Variants in LRBA observed in about 807,000 individuals in gnomAD.
LRBA encodes the protein lipopolysaccharide-responsive and beige-like anchor protein.
Under a neutral mutation model 330.0 loss-of-function variants are expected in LRBA, and 176 were observed. The ratio of observed to expected loss-of-function variants is 0.53; its 90% confidence interval spans 0.47 to 0.60. The LOEUF (loss-of-function observed/expected upper bound fraction) is 0.60. LRBA is among the 20% of genes least tolerant of loss of function. The pLI, the probability that LRBA is intolerant of heterozygous loss-of-function variation, is 0.00. For synonymous variants in LRBA, 1,230 were observed against 1,193.0 expected, an observed-to-expected ratio of 1.03 and a Z score of -0.64; for missense variants, 3,259 against 3,444.8, an observed-to-expected ratio of 0.95 and a Z score of 1.35.
chr4:150,636,993 C>T (rs768385508), intron 37 of LRBA, among the ~76,000 whole-genome samples: 20 of 152,040 alleles, frequency 1.3e-4, no homozygotes, highest in Admixed American at 7.9e-4. Flanking sequence ...AGGGACTAGA[C>T]TAAAACATTA....
At chr4:150,270,652 A>G (rs924069761) in intron 56 of LRBA, among the ~76,000 whole-genome samples, 2 of 152,202 alleles carry the variant, frequency 1.3e-5, no homozygotes, top group African/African-American at 2.4e-5. Context: ...TATCGAAAAG[A>G]GTTTAGATGG....
rs749474534 is a variant in LRBA, at chr4:150,928,542, T to C, written c.523A>G (p.Lys175Glu). 24 of 1,613,792 alleles carry C rather than the reference T, an allele frequency of 1.5e-5. No homozygotes were observed. The highest frequency in any genetic ancestry group is 2.0e-5 in the Non-Finnish European group (24 of 1,179,800). ...TVRELKLFFS[K>E]LQGDKGRWPP... is the part of the protein sequence containing the mutation. The stretch of plus-strand genomic sequence containing the variant: ...CATCGTCCTTTATCTCCTTGAAGTT[T>C]ACTGAAGAAAAGCTTTAGCTCGCGA... Residue 175 changes from lysine to glutamate, a missense_variant, in exon 4 of 57, where the codon AAA becomes GAA. Physicochemically the swap from Lys to Glu is moderately conservative, Grantham distance 56 (BLOSUM62 1). Coordinates refer to ENST00000651943, the MANE Select transcript of LRBA (RefSeq NM_001364905.1).
intron 2 of LRBA, among the ~76,000 whole-genome samples, chr4:150,952,612 T>A (rs1736961384): frequency 2.6e-5 from 4 of 152,158 alleles, no homozygotes; most frequent in Admixed American, 2.6e-4. Flanking sequence ...ATCCTGACCG[T>A]CTATAAGGCC....
chr4:150,898,645 C>CAAA (rs779677822), intron 14 of LRBA, among the ~76,000 whole-genome samples: 95 of 37,660 alleles, frequency 2.5e-3, no homozygotes, highest in Non-Finnish European at 9.4e-3. Context: ...GATTCCTAGA[C>CAAA]AAAAAAAAAT....
intron 44 of LRBA, among the ~76,000 whole-genome samples, chr4:150,461,131 A>G (rs1754723525): frequency 6.6e-6 from 1 of 151,792 alleles, no homozygotes; most frequent in East Asian, 1.9e-4. Context: ...GGGCAATTTG[A>G]AAAGAAAAAA....
chr4:150,341,749 CAT>C (rs1491533309), intron 48 of LRBA, among the ~76,000 whole-genome samples: 1 of 151,008 alleles, frequency 6.6e-6, no homozygotes, highest in Non-Finnish European at 1.5e-5. Flanking sequence ...CAGACATATG[CAT>C]ATATGTGTAT....
At chr4:150,756,754 T>C (rs535754652) in intron 35 of LRBA, among the ~76,000 whole-genome samples, 17 of 152,132 alleles carry the variant, frequency 1.1e-4, no homozygotes, top group African/African-American at 3.6e-4. Flanking sequence ...TCAAAGGGAG[T>C]AGTAATAACT....
chr4:150,718,285 T>TG (rs1462657785), intron 36 of LRBA, among the ~76,000 whole-genome samples: 1 of 152,168 alleles, frequency 6.6e-6, no homozygotes, highest in African/African-American at 2.4e-5. Context: ...ATCAATCCTC[T>TG]GATAATAAAT....
intron 20 of LRBA, among the ~76,000 whole-genome samples, chr4:150,868,821 C>T (rs1753064637): frequency 6.6e-6 from 1 of 151,936 alleles, no homozygotes; most frequent in Non-Finnish European, 1.5e-5. Context: ...GCCTGTAATC[C>T]CAGCTACTCA....
chr4:150,547,666 G>T (rs999131434), intron 40 of LRBA, among the ~76,000 whole-genome samples: 4 of 152,010 alleles, frequency 2.6e-5, no homozygotes, highest in African/African-American at 7.2e-5. Flanking sequence ...TGGGAGCAGG[G>T]TGGTGTATAA....
chr4:150,980,720 A>T (rs1018697879), intron 2 of LRBA, among the ~76,000 whole-genome samples: 3 of 152,204 alleles, frequency 2.0e-5, no homozygotes, highest in Admixed American at 6.5e-5. Flanking sequence ...ATATGATATG[A>T]TCTTATATTT....
chr4:150,433,439 C>G (rs1297453276), intron 46 of LRBA, among the ~76,000 whole-genome samples: 1 of 152,028 alleles, frequency 6.6e-6, no homozygotes, highest in African/African-American at 2.4e-5. Context: ...ACAGGAATGT[C>G]TAGTACAGAT....
At chr4:150,824,973 C>G (rs974210130) in intron 30 of LRBA, among the ~76,000 whole-genome samples, 2 of 151,748 alleles carry the variant, frequency 1.3e-5, no homozygotes, top group African/African-American at 4.8e-5. Context: ...CCGTGTTGCC[C>G]AGGCTAGTCT....
intron 37 of LRBA, among the ~76,000 whole-genome samples, chr4:150,601,902 A>C (rs2126526060): frequency 6.6e-6 from 1 of 152,046 alleles, no homozygotes; most frequent in South Asian, 2.1e-4. Context: ...CATATTAGCC[A>C]GGATGGTCTT....
chr4:150,573,638 C>T (rs1034611605), intron 40 of LRBA, among the ~76,000 whole-genome samples: 1 of 152,138 alleles, frequency 6.6e-6, no homozygotes, highest in Admixed American at 6.6e-5. Flanking sequence ...CTTAGACAAA[C>T]AATAAGTTAT....
chr4:150,307,548 C>G (rs1730516098), intron 52 of LRBA, among the ~76,000 whole-genome samples: 1 of 151,050 alleles, frequency 6.6e-6, no homozygotes, highest in African/African-American at 2.4e-5. Context: ...AGTGAGAACC[C>G]TGTCTCTATA....
intron 37 of LRBA, among the ~76,000 whole-genome samples, chr4:150,669,738 G>A (rs1781884011): frequency 6.6e-6 from 1 of 151,960 alleles, no homozygotes; most frequent in Non-Finnish European, 1.5e-5. Context: ...GATAATTGTT[G>A]TATTTTTAGT....
At chr4:150,454,425 G>T (rs1415721610) in intron 44 of LRBA, among the ~76,000 whole-genome samples, 1 of 151,974 alleles carries the variant, frequency 6.6e-6, no homozygotes, top group East Asian at 1.9e-4. Flanking sequence ...ATTGTATGAT[G>T]ATTTGAACAG....
chr4:150,451,887 C>A (rs1269437453), intron 44 of LRBA, among the ~76,000 whole-genome samples: 6 of 152,062 alleles, frequency 3.9e-5, no homozygotes, highest in African/African-American at 1.4e-4. Flanking sequence ...AAAAAGATAA[C>A]CCGAATAGCA....
Sources: allele counts gnomAD v4.1 joint callset (sites outside exome capture counted in the v4.1 genomes callset), GRCh38; gene constraint gnomAD v4.1.1; transcripts MANE v1.5; gene names NCBI Gene and HGNC (gene_info 2026-07-23, HGNC 2026-07-21).